The following ARHGAP5 variants were observed in gnomAD, a reference collection of about 807,000 sequenced individuals.
The protein encoded by ARHGAP5 is Rho GTPase activating protein 5.
ARHGAP5 carries 23 observed loss-of-function variants against 116.6 expected under a neutral mutation model. The ratio of observed to expected loss-of-function variants is 0.20; its 90% CI spans 0.14 to 0.28. The LOEUF (loss-of-function observed/expected upper bound fraction) is 0.28, where lower values mean the gene tolerates loss of function less well. ARHGAP5 is among the 10% of genes least tolerant of loss of function. ARHGAP5 has a pLI of 1.00. For missense variants in ARHGAP5, 1,405 were observed against 1,774.8 expected (o/e 0.79, Z 3.74); for synonymous variants, 574 against 602.0 (o/e 0.95, Z 0.68).
chr14:32,158,943 C>T lies in ARHGAP5; in HGVS notation c.*3995C>T, dbSNP rs192638225. On this transcript the variant is annotated 3_prime_UTR_variant, in exon 7 of 7. Transcript: ENST00000345122. Reference sequence around the variant, plus strand: ...GAGTCTTCACTATTCAATTGATCCTCATCATTGTCCTATTTGCATGACTCC... The same window carrying T: ...GAGTCTTCACTATTCAATTGATCCTTATCATTGTCCTATTTGCATGACTCC... 1.3e-5 allele frequency: 2 copies of T among 152,046 alleles called. No homozygotes were observed. The highest frequency in any genetic ancestry group is 2.4e-5 in the African/African-American group (1 of 41,440). The allele number at this position is 152,046 out of a possible 1,614,324, so 9.4% of individuals were successfully genotyped here. A position where few individuals can be genotyped will look rare whatever the true frequency, so the allele number is the denominator to read the frequency against.
chr14:32,116,083 T>G (rs1397820412), intron 2 of ARHGAP5, among the ~76,000 whole-genome samples: 1 of 134,328 alleles, frequency 7.4e-6, no homozygotes, highest in African/African-American at 2.8e-5. Flanking sequence ...GTCAGCAGAT[T>G]GAGACTATCC....
Position 32,093,294 on chromosome 14 carries a change from C to T in ARHGAP5, c.2625C>T (p.Asp875=). 4 of 1,613,692 alleles carry T rather than the reference C, an allele frequency of 2.5e-6. No homozygotes were observed. Among genetic ancestry groups the T allele is most frequent in the Non-Finnish European group, 3.4e-6 (4 of 1,179,842 alleles). ...MLRAFLSEVQ[D]TIPVQLVAVT... ...GAGCATTTCTATCAGAAGTTCAAGA[C>T]ACCATTCCTGTACAGCTGGTGGCAG... is the stretch of plus-strand genomic sequence containing the variant. The change falls in exon 2 of 7, where the codon GAC becomes GAT. Residue 875 remains aspartate (D), a synonymous_variant. Transcript: ENST00000345122.
chr14:32,108,776 A>C (rs1426078936), intron 2 of ARHGAP5, among the ~76,000 whole-genome samples: 1 of 152,176 alleles, frequency 6.6e-6, no homozygotes, highest in Non-Finnish European at 1.5e-5. Context: ...GAAGGATTAA[A>C]ATTTATATAA....
At chr14:32,114,111 C>T (rs1879439777) in intron 2 of ARHGAP5, among the ~76,000 whole-genome samples, 1 of 152,068 alleles carries the variant, frequency 6.6e-6, no homozygotes, top group South Asian at 2.1e-4. Flanking sequence ...GCCTGTAGTC[C>T]CAGCTACTCG....
At position 32,155,294 on chromosome 14, in the gene ARHGAP5, T is replaced by G. The variant is rs1205402768; in HGVS notation, c.*346T>G. On this transcript the variant is annotated 3_prime_UTR_variant, in exon 7 of 7. Transcript: ENST00000345122. ...TATAGAAATTAAATGATTTAAAAAC[T>G]CACCTATATGAAACATTTAATGCTT... 5.9e-6 allele frequency: 1 copy of G among 170,286 alleles called. No homozygotes were observed. The highest frequency in any genetic ancestry group is 2.4e-5 in the African/African-American group (1 of 42,064). 10.5% of individuals were successfully genotyped at this position (170,286 alleles called of 1,614,324 possible). A position where few individuals can be genotyped will look rare whatever the true frequency, so the allele number is the denominator to read the frequency against.
chr14:32,112,333 T>A (rs1472211764), intron 2 of ARHGAP5, among the ~76,000 whole-genome samples: 1 of 152,224 alleles, frequency 6.6e-6, no homozygotes, highest in Non-Finnish European at 1.5e-5. Flanking sequence ...CCCTTTGTGT[T>A]GCTGGTATTA....
chr14:32,091,507 G>T lies in ARHGAP5; in HGVS notation c.838G>T (p.Val280Leu). 2 of 1,613,170 alleles carry T rather than the reference G, an allele frequency of 1.2e-6. No homozygotes were observed. Among genetic ancestry groups the T allele is most frequent in the Non-Finnish European group, 1.7e-6 (2 of 1,179,474 alleles). ...VTATDKFEKL[V>L]QTVRDYHATW... is the part of the protein sequence containing the mutation. ...AGCAACAGATAAGTTTGAAAAACTT[G>T]TGCAGACTGTGAGAGATTATCATGC... is the stretch of plus-strand genomic sequence containing the variant. Residue 280 changes from valine (V) to leucine (L), a missense_variant, in exon 2 of 7, where the codon GTG (valine) becomes TTG (leucine). Val to Leu is a conservative substitution (Grantham distance 32). Around this residue, in one of 6 missense-constraint regions of ARHGAP5, gnomAD observed 944 missense variants for 1,095.3 expected, o/e 0.86. Coordinates refer to ENST00000345122, the MANE Select transcript of ARHGAP5 (RefSeq NM_001030055.2).
rs754585704 is a variant in ARHGAP5, at chr14:32,091,417, C to G, written c.748C>G (p.Arg250Gly). ...ACTGGTACAAATGTTGGATAAAACT[C>G]GTAGCAAGCCTAAAATTATTCCCTA... Reference protein sequence around the residue: ...TALVQMLDKTRSKPKIIPYLD... With the variant: ...TALVQMLDKTGSKPKIIPYLD... The change falls in exon 2 of 7, where the codon CGT (arginine) becomes GGT (glycine). Residue 250 changes from arginine to glycine, a missense_variant. Arg to Gly is a moderately radical substitution (Grantham distance 125). This residue lies in a region of ARHGAP5 where 190 missense variants were observed against 314.9 expected (regional missense o/e 0.60). Transcript: ENST00000345122. 6.2e-7 allele frequency: 1 copy of G among 1,609,938 alleles called. No individual in the cohort carries two copies. The highest frequency in any genetic ancestry group is 8.5e-7 in the Non-Finnish European group (1 of 1,178,304).
chr14:32,105,803 T>G (rs1168931295), intron 2 of ARHGAP5, among the ~76,000 whole-genome samples: 3 of 152,206 alleles, frequency 2.0e-5, no homozygotes, highest in Admixed American at 2.0e-4. Flanking sequence ...TAACCACTGA[T>G]AGCCACTACT....
intron 2 of ARHGAP5, among the ~76,000 whole-genome samples, chr14:32,096,689 A>T (rs1250183325): frequency 6.6e-6 from 1 of 152,226 alleles, no homozygotes; most frequent in Non-Finnish European, 1.5e-5. Context: ...CTACCAAGGA[A>T]ATACTAGTTC....
At chr14:32,105,062 A>G (rs1878947349) in intron 2 of ARHGAP5, among the ~76,000 whole-genome samples, 2 of 152,154 alleles carry the variant, frequency 1.3e-5, no homozygotes, top group South Asian at 4.1e-4. Context: ...ACAAAGGATT[A>G]TACAGCCCAA....
Position 32,094,520 on chromosome 14 carries a change from G to C in ARHGAP5, c.3717+134G>C, listed in dbSNP as rs1594348918. On this transcript the variant is annotated intron_variant, in intron 2 of 6. Transcript: ENST00000345122. Reference sequence around the variant, plus strand: ...TTAGTAGCCCTTTTTAATTTTCTGAGTATTCTGTGGGGATAAGTGATTTTT... The same window carrying C: ...TTAGTAGCCCTTTTTAATTTTCTGACTATTCTGTGGGGATAAGTGATTTTT... 4 of 625,300 alleles carry C rather than the reference G, an allele frequency of 6.4e-6. No individual in the cohort carries two copies. In the East Asian group the frequency reaches 1.2e-4, roughly 19 times the overall value. 38.7% of individuals were successfully genotyped at this position (625,300 alleles called of 1,614,324 possible). A position where few individuals can be genotyped will look rare whatever the true frequency, so the allele number is the denominator to read the frequency against.
intron 3 of ARHGAP5, 29 bp from the exon 4 acceptor site, chr14:32,146,234 A>T: frequency 6.6e-7 from 1 of 1,515,960 alleles, no homozygotes; most frequent in Non-Finnish European, 9.2e-7. Flanking sequence ...TGTGTTTATT[A>T]AAGTATGCAT....
Position 32,158,074 on chromosome 14 carries a change from A to G in ARHGAP5, c.*3126A>G, listed in dbSNP as rs930958478. On this transcript the variant is annotated 3_prime_UTR_variant, in exon 7 of 7. Transcript: ENST00000345122. The stretch of plus-strand genomic sequence containing the variant: ...CCTACAGGATGCTGCAGTAAATTAA[A>G]TATCAGTGAAGCTTCTGATGTATAA... 6.6e-6 allele frequency: 1 copy of G among 151,828 alleles called. No individual in the cohort carries two copies. Among genetic ancestry groups the G allele is most frequent in the Non-Finnish European group, 1.5e-5 (1 of 67,750 alleles). 9.4% of individuals were successfully genotyped at this position (151,828 alleles called of 1,614,324 possible).
chr14:32,119,368 G>A (rs1879767184), intron 3 of ARHGAP5, among the ~76,000 whole-genome samples: 1 of 152,036 alleles, frequency 6.6e-6, no homozygotes, highest in South Asian at 2.1e-4. Context: ...TGATATAAAT[G>A]ATCAGTAATT....
At chr14:32,136,345 G>C (rs1006426026) in intron 3 of ARHGAP5, among the ~76,000 whole-genome samples, 1 of 152,072 alleles carries the variant, frequency 6.6e-6, no homozygotes, top group African/African-American at 2.4e-5. Context: ...CCCATTCTGG[G>C]AATTTCATGT....
intron 1 of ARHGAP5, among the ~76,000 whole-genome samples, chr14:32,084,021 A>T (rs2041804376): frequency 6.6e-6 from 1 of 152,194 alleles, no homozygotes; most frequent in African/African-American, 2.4e-5. Flanking sequence ...ATGACCTTTG[A>T]TCCTTCTGTT....
chr14:32,093,304 G>A lies in ARHGAP5; in HGVS notation c.2635G>A (p.Val879Ile), dbSNP rs2139021156. The change falls in exon 2 of 7, where the codon GTA (valine) becomes ATA (isoleucine). Residue 879 changes from valine (V) to isoleucine (I), a missense_variant. Val to Ile is a conservative substitution (Grantham distance 29). This residue lies in a region of ARHGAP5 where 944 missense variants were observed against 1,095.3 expected (regional missense o/e 0.86). Coordinates refer to ENST00000345122, the MANE Select transcript of ARHGAP5 (RefSeq NM_001030055.2). ...FLSEVQDTIPVQLVAVTDSQA... is the reference protein window; with the variant it reads ...FLSEVQDTIPIQLVAVTDSQA... ...ATCAGAAGTTCAAGACACCATTCCTGTACAGCTGGTGGCAGTTACTGACAG... is the reference window on the plus strand; with the variant it reads ...ATCAGAAGTTCAAGACACCATTCCTATACAGCTGGTGGCAGTTACTGACAG... 6.2e-7 allele frequency: 1 copy of A among 1,613,872 alleles called. No individual in the cohort carries two copies. Among genetic ancestry groups the A allele is most frequent in the Non-Finnish European group, 8.5e-7 (1 of 1,179,902 alleles).
chr14:32,136,826 A>T (rs560817241), intron 3 of ARHGAP5, among the ~76,000 whole-genome samples: 2 of 151,618 alleles, frequency 1.3e-5, no homozygotes, highest in African/African-American at 4.8e-5. Context: ...TTTGATTTCC[A>T]TTTCCCGTTG....
Sources: allele counts gnomAD v4.1 joint callset (sites outside exome capture counted in the v4.1 genomes callset), GRCh38; gene constraint gnomAD v4.1.1; regional missense constraint gnomAD v4.1.1; transcripts MANE v1.5; gene names NCBI Gene and HGNC (gene_info 2026-07-23, HGNC 2026-07-21).